CLN3: variants seen among roughly 807,000 people sequenced by gnomAD.
The protein encoded by CLN3 is battenin.
In CLN3, 49 loss-of-function variants were observed where a neutral mutation model predicts 60.7. The ratio of observed to expected loss-of-function variants is 0.81; its 90% CI spans 0.64 to 1.02. The LOEUF (loss-of-function observed/expected upper bound fraction) is 1.02. CLN3 is among the 50% of genes least tolerant of loss of function. The pLI is 0.00. For synonymous variants in CLN3, 256 were observed against 245.8 expected (o/e 1.04, Z -0.39); for missense variants, 516 against 557.4 (o/e 0.93, Z 0.75).
At chr16:28,491,656 C>T (rs760867780) in intron 2 of CLN3, 58 bp downstream of exon 2, 1 of 1,614,032 alleles carries the variant, frequency 6.2e-7, no homozygotes, top group East Asian at 2.2e-5. Context: ...TCTCATTCCC[C>T]TCAGGTGGGC....
intron 14 of CLN3, among the ~76,000 whole-genome samples, chr16:28,480,432 G>C (rs1368836283): frequency 6.7e-6 from 1 of 150,270 alleles, no homozygotes; most frequent in Non-Finnish European, 1.5e-5. Context: ...ATGGAGTCTC[G>C]CTCTGTGGCC....
intron 7 of CLN3, 118 bp from the exon 8 acceptor site, chr16:28,486,768 A>G: frequency 1.0e-6 from 1 of 968,798 alleles, no homozygotes; most frequent in South Asian, 1.4e-5. Context: ...AATAGATCCC[A>G]TGCATAGGCC....
chr16:28,488,454 T>C, intron 5 of CLN3, 137 bp downstream of exon 5: 1 of 723,070 alleles, frequency 1.4e-6, no homozygotes, highest in Non-Finnish European at 2.4e-6. Flanking sequence ...GGATTACAAG[T>C]GTGAGCCAGT....
intron 10 of CLN3, among the ~76,000 whole-genome samples, chr16:28,483,705 TTTC>T (rs1208697132): frequency 7.3e-6 from 1 of 136,786 alleles, no homozygotes; most frequent in Non-Finnish European, 1.6e-5. Flanking sequence ...CCTTCCTTCC[TTTC>T]TTTTCTTTTT....
Position 28,486,437 on chromosome 16 carries a change from GC to G in CLN3, c.586del (p.Ala196ProfsTer59), listed in dbSNP as rs386833735. 6.2e-7 allele frequency: 1 copy of G among 1,613,266 alleles called. No individual in the cohort carries two copies. Among genetic ancestry groups the G allele is most frequent in the Non-Finnish European group, 8.5e-7 (1 of 1,179,848 alleles). On this transcript the variant is annotated frameshift_variant, in exon 9 of 16. Coordinates refer to ENST00000636147, the MANE Select transcript of CLN3 (RefSeq NM_001042432.2). LOFTEE classifies it high-confidence loss of function. The part of the protein sequence containing the change: ...SGTGGAGLLG[A>X]LSYLGLTQAG... ...CTGGGTGAGGCCCAGGTAGGACAGGGCCCCCAGCAGCCCAGCTCCCCCAGTC... is the reference window on the plus strand; with the variant it reads ...CTGGGTGAGGCCCAGGTAGGACAGGGCCCCAGCAGCCCAGCTCCCCCAGTC...
chr16:28,469,695 G>A (rs1324451178), downstream of CLN3: 3 of 377,174 alleles, frequency 8.0e-6, no homozygotes, highest in Non-Finnish European at 1.5e-5. Context: ...TACACTTAAG[G>A]TTATATATTT....
At position 28,486,603 on chromosome 16, in the gene CLN3, G is replaced by A; in HGVS notation, c.508C>T (p.Leu170Phe). ...ISSGLGEVTFLSLTAFYPRAV... is the reference protein window; with the variant it reads ...ISSGLGEVTFFSLTAFYPRAV... The stretch of plus-strand genomic sequence containing the variant: ...CTGGGGTAGAAGGCAGTGAGGGAGA[G>A]GAAGGTGACCTCCCCAAGGCCTGAT... The change falls in exon 8 of 16, where the codon CTC becomes TTC. Residue 170 changes from leucine to phenylalanine, a missense_variant. Leu to Phe is a conservative substitution (Grantham distance 22). Coordinates refer to ENST00000636147, the MANE Select transcript of CLN3 (RefSeq NM_001042432.2). 1.2e-6 allele frequency: 2 copies of A among 1,611,446 alleles called. No homozygotes were observed. Among genetic ancestry groups the A allele is most frequent in the Non-Finnish European group, 1.7e-6 (2 of 1,178,898 alleles).
At chr16:28,487,420 C>T (rs375789794) in intron 7 of CLN3, 36 bp downstream of exon 7, 24 of 1,542,792 alleles carry the variant, frequency 1.6e-5, no homozygotes, top group Admixed American at 3.3e-5. Flanking sequence ...TGTGGTTCCT[C>T]GGGGCTCCCC....
chr16:28,477,085 A>T, downstream of CLN3: 1 of 256,204 alleles, frequency 3.9e-6, no homozygotes, highest in South Asian at 4.6e-5. Context: ...GCAGTGAGCC[A>T]AGATCACGCC....
chr16:28,489,595 T>A (rs1249952950), intron 3 of CLN3, among the ~76,000 whole-genome samples: 2 of 151,920 alleles, frequency 1.3e-5, no homozygotes, highest in African/African-American at 2.4e-5. Flanking sequence ...CTACAAAAAA[T>A]TTAAAAATTA....
At position 28,488,090 on chromosome 16, in the gene CLN3, G is replaced by C. The variant is rs369805621; in HGVS notation, c.295-349C>G. 2.3e-3 allele frequency: 630 copies of C among 268,912 alleles called. 19 individuals are homozygous for C. The South Asian group carries it at 0.025, about 11-fold the overall frequency. 16.7% of individuals were successfully genotyped at this position (268,912 alleles called of 1,614,324 possible). A position where few individuals can be genotyped will look rare whatever the true frequency, so the allele number is the denominator to read the frequency against. ...GAGTCTCATTCTGCCACCCAGGCTG[G>C]AGTGTAGTGGCTCGATCTTGGCTCA... On this transcript the variant is annotated intron_variant, in intron 5 of 15. Coordinates refer to ENST00000636147, the MANE Select transcript of CLN3 (RefSeq NM_001042432.2).
chr16:28,487,877 C>T, intron 5 of CLN3, 136 bp from the exon 6 acceptor site: 1 of 708,296 alleles, frequency 1.4e-6, no homozygotes. Context: ...CGCCTGGGTT[C>T]AAGTCTCAGC....
chr16:28,486,026 C>CT (rs1401296587), intron 9 of CLN3, among the ~76,000 whole-genome samples: 1 of 151,072 alleles, frequency 6.6e-6, no homozygotes, highest in Non-Finnish European at 1.5e-5. Flanking sequence ...GAGACAGAGT[C>CT]TAACTCTGTC....
intron 13 of CLN3, 56 bp from the exon 14 acceptor site, chr16:28,482,254 C>T (rs1248020085): frequency 1.2e-6 from 2 of 1,603,046 alleles, no homozygotes; most frequent in Admixed American, 3.4e-5. Context: ...ATCCCGCTCC[C>T]CCCGGTGCCT....
downstream of CLN3, chr16:28,476,820 A>G (rs79842925): frequency 0.034 from 5,301 of 154,198 alleles, 317 homozygotes; most frequent in African/African-American, 0.12. Flanking sequence ...TGAATGCATG[A>G]ATGAATGAAT....
In CLN3 at chr16:28,491,502, C is replaced by T. The variant is rs386833700; in HGVS notation, c.105G>A (p.Trp35Ter). The change falls in exon 3 of 16, where the codon TGG (tryptophan) becomes TGA (stop). Residue 35 changes from tryptophan (W) to a stop codon, truncating the protein, a stop_gained. Transcript: ENST00000636147. LOFTEE classifies it high-confidence loss of function. ...CTCACCAGAAGCCCACCGCGTTCTT[C>T]CAATGCGCGCCCTGATGGTCCAACA... ...LPLLDHQGAH[W>*]KNAVGFWLLG... The T allele has an allele frequency of 6.2e-7, 1 of 1,613,836 alleles. No individual in the cohort carries two copies. Among genetic ancestry groups the T allele is most frequent in the South Asian group, 1.1e-5 (1 of 91,062 alleles).
Position 28,488,571 on chromosome 16 carries a change from C to T in CLN3, c.294+20G>A, listed in dbSNP as rs769927953. The T allele has an allele frequency of 6.2e-7, 1 of 1,612,726 alleles. No individual in the cohort carries two copies. The highest frequency in any genetic ancestry group is 1.7e-5 in the Admixed American group (1 of 59,990). ...CAGGGGCCCTGGGTCAGGCAAGGAC[C>T]AGGTGAGATGAGTACGCACAGCCGT... On this transcript the variant is annotated intron_variant, in intron 5 of 15. Coordinates refer to ENST00000636147, the MANE Select transcript of CLN3 (RefSeq NM_001042432.2).
chr16:28,479,693 T>C, intron 14 of CLN3: 1 of 180,560 alleles, frequency 5.5e-6, no homozygotes, highest in Non-Finnish European at 1.2e-5. Flanking sequence ...CGCTTGAATC[T>C]GGGAGGCAGG....
chr16:28,490,460 T>TAAAAAAA (rs35681318), intron 3 of CLN3: 6 of 98,754 alleles, frequency 6.1e-5, no homozygotes, highest in African/African-American at 2.0e-4. Flanking sequence ...AAAATAAAAT[T>TAAAAAAA]AAAAAAAAAA....
Sources: allele counts gnomAD v4.1 joint callset (sites outside exome capture counted in the v4.1 genomes callset), GRCh38; gene constraint gnomAD v4.1.1; transcripts MANE v1.5; gene names NCBI Gene and HGNC (gene_info 2026-07-23, HGNC 2026-07-21).